Variants in ABLIM2 observed in about 807,000 individuals in gnomAD.
ABLIM2 encodes actin-binding LIM protein 2.
A neutral mutation model predicts 97.7 loss-of-function variants in ABLIM2; 53 were observed. The observed-to-expected ratio is 0.54, with a 90% CI of 0.44 to 0.68. The LOEUF is 0.68. Ranked by LOEUF, ABLIM2 falls within the 30% of genes least tolerant of loss-of-function variation. The pLI, the probability that ABLIM2 is intolerant of heterozygous loss-of-function variation, is 0.00. For synonymous variants in ABLIM2, 361 were observed against 345.8 expected (o/e 1.04, Z -0.49); for missense variants, 835 against 867.2 (o/e 0.96, Z 0.47).
At chr4:8,073,016 G>C (rs776530964) in intron 6 of ABLIM2, among the ~76,000 whole-genome samples, 3 of 152,078 alleles carry the variant, frequency 2.0e-5, no homozygotes, top group Admixed American at 6.5e-5. Flanking sequence ...CGGTGCGAAG[G>C]GAGAGGAGAG....
chr4:8,091,544 AATATTTAT>A (rs1561331133), intron 3 of ABLIM2, among the ~76,000 whole-genome samples: 2 of 26,744 alleles, frequency 7.5e-5, no homozygotes, highest in African/African-American at 6.5e-4. Context: ...AATTATATAT[AATATTTAT>A]AATTATATAT....
intron 2 of ABLIM2, among the ~76,000 whole-genome samples, chr4:8,105,867 G>C (rs935334515): frequency 6.6e-5 from 10 of 152,202 alleles, no homozygotes; most frequent in Non-Finnish European, 7.3e-5. Flanking sequence ...TAGGAAGGAG[G>C]AACAGGCTGG....
At chr4:7,968,283 G>A (rs1382151649) in intron 20 of ABLIM2, among the ~76,000 whole-genome samples, 1 of 152,198 alleles carries the variant, frequency 6.6e-6, no homozygotes, top group Non-Finnish European at 1.5e-5. Flanking sequence ...GTAGTTCTGC[G>A]ACACACTCCA....
intron 1 of ABLIM2, among the ~76,000 whole-genome samples, chr4:8,133,464 C>T (rs763991298): frequency 4.6e-5 from 7 of 152,322 alleles, no homozygotes; most frequent in South Asian, 4.1e-4. Context: ...CTGGTAGAGA[C>T]GGGAGGTCCC....
chr4:7,996,075 G>A lies in ABLIM2; in HGVS notation c.1619-3148C>T, dbSNP rs977301264. Among the ~76,000 whole-genome samples, 7 of 152,154 alleles carry A rather than the reference G, an allele frequency of 4.6e-5. No individual in the cohort carries two copies. On this transcript the variant is annotated intron_variant, in intron 16 of 20. Coordinates refer to ENST00000447017, the MANE Select transcript of ABLIM2 (RefSeq NM_001130083.2). The surrounding 1 kb of genome is among the most constrained non-coding windows in gnomAD (Gnocchi z 4.5). ...GCCAGGCATGCTCTGGGAGCCCGAGGGCCCCTCCAGCTGCAGCGGGAGCTC... is the reference window on the plus strand; with the variant it reads ...GCCAGGCATGCTCTGGGAGCCCGAGAGCCCCTCCAGCTGCAGCGGGAGCTC...
rs1163528070 is a variant in ABLIM2 at position 7,994,876 on chromosome 4, G to C, written c.1619-1949C>G. ...TGCACAGCAAAAGAAACTACCATCAGAGTGAACAGGCAACCTACAACATGG... is the reference window on the plus strand; with the variant it reads ...TGCACAGCAAAAGAAACTACCATCACAGTGAACAGGCAACCTACAACATGG... On this transcript the variant is annotated intron_variant, in intron 16 of 20. Coordinates refer to ENST00000447017, the MANE Select transcript of ABLIM2 (RefSeq NM_001130083.2). Among the ~76,000 whole-genome samples, 2 of 115,910 alleles carry C rather than the reference G, an allele frequency of 1.7e-5. 1 individual carries two copies. Among genetic ancestry groups the C allele is most frequent in the East Asian group, 4.4e-4 (2 of 4,584 alleles). 76.0% of individuals were successfully genotyped at this position (115,910 alleles called of 152,430 possible). A position where few individuals can be genotyped will look rare whatever the true frequency, so the allele number is the denominator to read the frequency against.
At chr4:7,990,118 T>C (rs1273289821) in intron 17 of ABLIM2, among the ~76,000 whole-genome samples, 1 of 152,208 alleles carries the variant, frequency 6.6e-6, no homozygotes, top group Non-Finnish European at 1.5e-5. Context: ...CATCAGACAG[T>C]GAGGCCTACA....
At chr4:8,047,317 C>T (rs1425669217) in intron 8 of ABLIM2, among the ~76,000 whole-genome samples, 2 of 152,144 alleles carry the variant, frequency 1.3e-5, no homozygotes, top group African/African-American at 2.4e-5. Flanking sequence ...CCCCGTGTCT[C>T]CTTATATCCT....
chr4:8,036,995 A>G (rs1187075182), intron 9 of ABLIM2, among the ~76,000 whole-genome samples: 2 of 152,198 alleles, frequency 1.3e-5, no homozygotes, highest in Non-Finnish European at 2.9e-5. Context: ...TCTTGCCTGT[A>G]GCCTGTGCAC....
chr4:8,106,427 GGGCCCA>G, intron 2 of ABLIM2, 61 bp downstream of exon 2: 1 of 1,551,242 alleles, frequency 6.4e-7, no homozygotes, highest in Non-Finnish European at 8.7e-7. Context: ...GAGGCTTTGC[GGGCCCA>G]GGATCGCCGC....
intron 20 of ABLIM2, among the ~76,000 whole-genome samples, chr4:7,978,309 G>A (rs116032308): frequency 7.0e-4 from 107 of 152,278 alleles, no homozygotes; most frequent in Middle Eastern, 6.8e-3. Flanking sequence ...GGAGGAAGGA[G>A]GACTAGGGTC....
intron 3 of ABLIM2, among the ~76,000 whole-genome samples, chr4:8,093,085 G>A (rs897314400): frequency 9.2e-5 from 14 of 152,180 alleles, no homozygotes; most frequent in Non-Finnish European, 1.8e-4. Context: ...CTGAGCTCAA[G>A]TGATCTACCC....
intron 12 of ABLIM2, 49 bp from the exon 13 acceptor site, chr4:8,020,352 C>T: frequency 6.7e-7 from 1 of 1,497,926 alleles, no homozygotes; most frequent in Admixed American, 1.7e-5. Flanking sequence ...AACGGGAAAG[C>T]AAAGTAGAAT....
Position 8,027,799 on chromosome 4 carries a change from A to G in ABLIM2, c.1227T>C (p.Pro409=). The change falls in exon 12 of 21, where the codon CCT becomes CCC. Residue 409 remains proline (P), a synonymous_variant. Transcript: ENST00000447017. Reference sequence around the variant, plus strand: ...TGTAATGATGTCTGAACACGGATGTAGGGCTTGGGTGTTGGGACAGGGAGA... The same window carrying G: ...TGTAATGATGTCTGAACACGGATGTGGGGCTTGGGTGTTGGGACAGGGAGA... ...SCLSLSQHPS[P]TSVFRHHYIP... is the part of the protein sequence containing the mutation. The G allele has an allele frequency of 2.5e-6, 4 of 1,600,634 alleles. No individual in the cohort carries two copies. The highest frequency in any genetic ancestry group is 3.4e-6 in the Non-Finnish European group (4 of 1,173,942).
chr4:8,106,197 C>T (rs1428513740), intron 2 of ABLIM2, among the ~76,000 whole-genome samples: 1 of 152,206 alleles, frequency 6.6e-6, no homozygotes, highest in Non-Finnish European at 1.5e-5. Flanking sequence ...CAGGTGGCCA[C>T]CTTCCTCTGG....
rs555006902 is a variant in ABLIM2, at chr4:7,999,349, C to T, written c.1619-6422G>A. Among the ~76,000 whole-genome samples the T allele has an allele frequency of 2.2e-4, 34 of 152,298 alleles. No homozygotes were observed. The highest frequency in any genetic ancestry group is 7.0e-4 in the African/African-American group (29 of 41,574). ...CTGAGATTACAGGCGTGAGCCACTG[C>T]GCCCGGCCAAGAATCACTGGTTTAA... On this transcript the variant is annotated intron_variant, in intron 16 of 20. Coordinates refer to ENST00000447017, the MANE Select transcript of ABLIM2 (RefSeq NM_001130083.2). This position sits in a 1 kb window ranked among gnomAD's most constrained non-coding sequence, Gnocchi z 4.4.
In ABLIM2 at chr4:8,149,853, G is replaced by C. The variant is rs977065324; in HGVS notation, c.10+8827C>G. ...AGACAGGACGGGGCCTATGGAGTAA[G>C]ACCCCACACAGCCGGTCCCTCTGTG... On this transcript the variant is annotated intron_variant, in intron 1 of 20. Coordinates refer to ENST00000447017, the MANE Select transcript of ABLIM2 (RefSeq NM_001130083.2). This position sits in a 1 kb window ranked among gnomAD's most constrained non-coding sequence, Gnocchi z 6.4. 4.6e-5 allele frequency among the ~76,000 whole-genome samples: 7 copies of C among 152,022 alleles called. No homozygotes were observed. The highest frequency in any genetic ancestry group is 1.7e-4 in the African/African-American group (7 of 41,394).
rs562599251 is a variant in ABLIM2, at chr4:8,133,843, G to A, written c.10+24837C>T. On this transcript the variant is annotated intron_variant, in intron 1 of 20. Coordinates refer to ENST00000447017, the MANE Select transcript of ABLIM2 (RefSeq NM_001130083.2). ...ACCCAGGCAGCCAATGGCTGGGCTA[G>A]TTAGGCAGTGTCCCTGCCCACACCA... Among the ~76,000 whole-genome samples, 11 of 152,358 alleles carry A rather than the reference G, an allele frequency of 7.2e-5. No homozygotes were observed. In the South Asian group the frequency reaches 2.3e-3, roughly 32 times the overall value.
rs959330340 is a variant in ABLIM2 at position 8,133,427 on chromosome 4, C to T, written c.10+25253G>A. On this transcript the variant is annotated intron_variant, in intron 1 of 20. Coordinates refer to ENST00000447017, the MANE Select transcript of ABLIM2 (RefSeq NM_001130083.2). ...CTGCGGGGTATCTCTTCTCCTGCTC[C>T]CTCCTGCCTGCCGGTCCATATCTCT... Among the ~76,000 whole-genome samples the T allele has an allele frequency of 2.2e-4, 34 of 152,342 alleles. No individual in the cohort carries two copies. The Middle Eastern group carries it at 0.014, about 61-fold the overall frequency.
Sources: gnomAD v4.1 joint callset for allele counts (sites outside exome capture counted in the v4.1 genomes callset) on GRCh38, gnomAD v4.1.1 for gene constraint, Gnocchi (gnomAD v3.1) non-coding constraint, MANE v1.5 for transcripts, NCBI Gene and HGNC (gene_info 2026-07-23, HGNC 2026-07-21) for gene names.